The following REPS1 variants were observed in gnomAD, a reference collection of about 807,000 sequenced individuals.
The protein encoded by REPS1 is RALBP1 associated Eps domain containing 1, also known as ralBP1-associated Eps domain-containing protein 1.
A neutral mutation model predicts 100.9 loss-of-function variants in REPS1; 39 were observed. The ratio of observed to expected loss-of-function variants is 0.39; its 90% CI spans 0.30 to 0.50. The LOEUF is 0.50. Among genes scored for constraint, REPS1 ranks in the 20% least tolerant of loss-of-function variants. The pLI is 0.86. For synonymous variants in REPS1, 324 were observed against 340.3 expected (o/e 0.95, Z 0.53); for missense variants, 821 against 968.5 (o/e 0.85, Z 2.02).
rs1353221141 is a variant in REPS1, at chr6:138,945,496, A to T, written c.474+5T>A. On this transcript the variant is annotated splice_donor_5th_base_variant and intron_variant, in intron 3 of 19. Transcript: ENST00000450536. ...AACTGCTAATATTTACATGCATGTG[A>T]TTACCTGTGCATCTGCAGATGTACG... is the stretch of plus-strand genomic sequence containing the variant. The T allele has an allele frequency of 1.3e-6, 2 of 1,595,916 alleles. No individual in the cohort carries two copies. The highest frequency in any genetic ancestry group is 1.3e-5 in the African/African-American group (1 of 74,186).
At chr6:138,937,256 A>G (rs1324190154) in intron 8 of REPS1, among the ~76,000 whole-genome samples, 1 of 152,232 alleles carries the variant, frequency 6.6e-6, no homozygotes, top group East Asian at 1.9e-4. Context: ...GGGTGGGGAC[A>G]CAGCCAAACC....
At chr6:138,967,965 G>T (rs1165645639) in intron 1 of REPS1, among the ~76,000 whole-genome samples, 1 of 152,172 alleles carries the variant, frequency 6.6e-6, no homozygotes, top group East Asian at 1.9e-4. Context: ...GAGCAGTTAA[G>T]TACAGATGCT....
intron 1 of REPS1, among the ~76,000 whole-genome samples, chr6:138,970,913 G>A (rs1784308115): frequency 6.6e-6 from 1 of 152,186 alleles, no homozygotes; most frequent in Non-Finnish European, 1.5e-5. Flanking sequence ...AAATAGGAAG[G>A]CAGCTAGATG....
chr6:138,939,428 A>G (rs2128468946), intron 8 of REPS1, among the ~76,000 whole-genome samples: 1 of 152,318 alleles, frequency 6.6e-6, no homozygotes, highest in South Asian at 2.1e-4. Context: ...CCAGAAAAAA[A>G]TTTCTTCCTG....
intron 8 of REPS1, among the ~76,000 whole-genome samples, chr6:138,937,825 TATA>T (rs1781957080): frequency 6.6e-6 from 1 of 152,222 alleles, no homozygotes; most frequent in Non-Finnish European, 1.5e-5. Context: ...GGCACTGAGA[TATA>T]ATGAACAAAA....
At chr6:138,967,044 G>A (rs1012324681) in intron 1 of REPS1, among the ~76,000 whole-genome samples, 16 of 152,208 alleles carry the variant, frequency 1.1e-4, no homozygotes, top group African/African-American at 2.9e-4. Flanking sequence ...CCCTGCCTTC[G>A]TGAATAGATT....
chr6:138,908,295 GTTATTA>G (rs959819390), intron 18 of REPS1, among the ~76,000 whole-genome samples: 3 of 152,032 alleles, frequency 2.0e-5, no homozygotes, highest in South Asian at 4.2e-4. Context: ...TCTGATTATT[GTTATTA>G]TTATTATTTG....
chr6:138,920,673 T>C (rs1780698145), intron 11 of REPS1, among the ~76,000 whole-genome samples: 1 of 152,212 alleles, frequency 6.6e-6, no homozygotes, highest in Admixed American at 6.5e-5. Context: ...ACATTTAGTC[T>C]AAAATGAGAC....
intron 8 of REPS1, among the ~76,000 whole-genome samples, chr6:138,931,018 T>C (rs1781452361): frequency 6.6e-6 from 1 of 152,190 alleles, no homozygotes. Context: ...CTCATTCCGA[T>C]TCTTCCAAGC....
At chr6:138,959,815 G>A (rs145608792) in intron 1 of REPS1, among the ~76,000 whole-genome samples, 1 of 152,240 alleles carries the variant, frequency 6.6e-6, no homozygotes, top group East Asian at 1.9e-4. Flanking sequence ...CCTATTATTA[G>A]GAATGTTTAC....
At chr6:138,984,608 C>T (rs986585028) in intron 1 of REPS1, among the ~76,000 whole-genome samples, 5 of 152,196 alleles carry the variant, frequency 3.3e-5, no homozygotes, top group African/African-American at 7.2e-5. Context: ...AATGCCTCTT[C>T]CCCATTGTCA....
intron 1 of REPS1, among the ~76,000 whole-genome samples, chr6:138,985,828 C>T (rs1165178552): frequency 6.6e-6 from 1 of 152,224 alleles, no homozygotes; most frequent in African/African-American, 2.4e-5. Flanking sequence ...AATTACATTT[C>T]AAGTTCTAAA....
chr6:138,903,702 T>C lies in REPS1; in HGVS notation c.*1362A>G, dbSNP rs536539820. On this transcript the variant is annotated 3_prime_UTR_variant, in exon 20 of 20. Transcript: ENST00000450536. ...ACAAAGACACTCAGAAAAACAGGTG[T>C]TGAGTAGTTTCCTGGGCCTTTAATG... 35 of 152,300 alleles carry C rather than the reference T, an allele frequency of 2.3e-4. No homozygotes were observed. In the South Asian group the frequency reaches 5.6e-3, roughly 24 times the overall value. The allele number at this position is 152,300 out of a possible 1,614,324, so 9.4% of individuals were successfully genotyped here.
At chr6:138,915,030 T>C (rs1285133083) in intron 14 of REPS1, 6 of 395,610 alleles carry the variant, frequency 1.5e-5, no homozygotes, top group East Asian at 5.2e-5. Flanking sequence ...GCAAACAATC[T>C]TGATTTTCTT....
intron 8 of REPS1, among the ~76,000 whole-genome samples, chr6:138,932,636 T>C (rs1239412285): frequency 6.6e-6 from 1 of 152,232 alleles, no homozygotes. Flanking sequence ...CATATGTAAG[T>C]ACAATGGTTG....
In REPS1 at chr6:138,907,363, C is replaced by T. The variant is rs985560184; in HGVS notation, c.2322+132G>A. ...GTGGCGGGGAGGGGTTAACTAACCA[C>T]AGTCAAAGCATCTAGAAAATTAGAG... On this transcript the variant is annotated intron_variant, in intron 19 of 19. Coordinates refer to ENST00000450536, the MANE Select transcript of REPS1 (RefSeq NM_001286611.2). 3.4e-5 allele frequency: 17 copies of T among 497,452 alleles called. No individual in the cohort carries two copies. In the African/African-American group the frequency reaches 3.4e-4, roughly 10 times the overall value. The allele number at this position is 497,452 out of a possible 1,614,324, so 30.8% of individuals were successfully genotyped here. A position where few individuals can be genotyped will look rare whatever the true frequency, so the allele number is the denominator to read the frequency against.
At chr6:138,945,101 CA>C in intron 4 of REPS1, 117 bp downstream of exon 4, 1 of 815,560 alleles carries the variant, frequency 1.2e-6, no homozygotes, top group Non-Finnish European at 1.8e-6. Context: ...GGTTCTGTGG[CA>C]CAAGCCTATA....
At chr6:138,944,991 A>C (rs1171945961) in intron 4 of REPS1, among the ~76,000 whole-genome samples, 1 of 152,224 alleles carries the variant, frequency 6.6e-6, no homozygotes, top group Non-Finnish European at 1.5e-5. Flanking sequence ...TAAACTTACA[A>C]TTAAAAACTA....
intron 1 of REPS1, among the ~76,000 whole-genome samples, chr6:138,985,582 A>C (rs1785212721): frequency 6.6e-6 from 1 of 152,174 alleles, no homozygotes; most frequent in Non-Finnish European, 1.5e-5. Flanking sequence ...TTTTTAAGTA[A>C]ATTGCCTTCA....
Sources: gnomAD v4.1 joint callset for allele counts (sites outside exome capture counted in the v4.1 genomes callset) on GRCh38, gnomAD v4.1.1 for gene constraint, MANE v1.5 for transcripts, NCBI Gene and HGNC (gene_info 2026-07-23, HGNC 2026-07-21) for gene names.